The following VWA5A variants were observed in gnomAD, a reference collection of about 807,000 sequenced individuals.
The protein encoded by VWA5A is von Willebrand factor A domain-containing protein 5A.
VWA5A carries 77 observed loss-of-function variants against 84.6 expected under a neutral mutation model. That is an observed-to-expected ratio of 0.91 (90% CI 0.76 to 1.10). The LOEUF (loss-of-function observed/expected upper bound fraction) is 1.10. Ranked by LOEUF, VWA5A falls within the 50% of genes least tolerant of loss-of-function variation. VWA5A has a pLI of 0.00. For synonymous variants in VWA5A, 334 were observed against 350.1 expected (o/e 0.95, Z 0.51); for missense variants, 973 against 963.0 (o/e 1.01, Z -0.14).
chr11:124,139,225 T>TGTG (rs1860678571), intron 15 of VWA5A, among the ~76,000 whole-genome samples: 18 of 147,434 alleles, frequency 1.2e-4, no homozygotes, highest in Non-Finnish European at 2.4e-4. Flanking sequence ...AGCATTTTGT[T>TGTG]TGTGTGTGTG....
rs759758696 is a variant in VWA5A, at chr11:124,137,164, A to G, written c.1775A>G (p.Asn592Ser). ...TCCTTCACAGCTTTCATTGCTATCA[A>G]TAAGGAGCTCAACAAGCCGGTTCAG... ...ISSFTAFIAI[N>S]KELNKPVQGP... is the part of the protein sequence containing the mutation. Residue 592 changes from asparagine (N) to serine (S), a missense_variant, in exon 15 of 19, where the codon AAT (asparagine) becomes AGT (serine). Physicochemically the swap from Asn to Ser is conservative, Grantham distance 46. Transcript: ENST00000456829. 20 of 1,614,126 alleles carry G rather than the reference A, an allele frequency of 1.2e-5. No homozygotes were observed. The South Asian group carries it at 1.9e-4, about 15-fold the overall frequency.
intron 13 of VWA5A, 35 bp from the exon 14 acceptor site, chr11:124,136,539 A>G (rs1342181720): frequency 1.3e-6 from 2 of 1,596,776 alleles, no homozygotes. Context: ...AGAACATTAC[A>G]TGTTCCGTCA....
chr11:124,118,483 G>A lies in VWA5A; in HGVS notation c.470-50G>A, dbSNP rs775297302. 28 of 1,611,152 alleles carry A rather than the reference G, an allele frequency of 1.7e-5. No homozygotes were observed. The Middle Eastern group carries it at 4.9e-4, about 28-fold the overall frequency. ...GGGAAATTTTCTTAAGGTTGAGAGT[G>A]TCATAAAAAGTGTTGGCAAGGAAAA... On this transcript the variant is annotated intron_variant, in intron 5 of 18. Transcript: ENST00000456829.
Position 124,145,443 on chromosome 11 carries a change from A to C in VWA5A, c.2281+80A>C, listed in dbSNP as rs1255688077. On this transcript the variant is annotated intron_variant, in intron 18 of 18. Coordinates refer to ENST00000456829, the MANE Select transcript of VWA5A (RefSeq NM_001130142.2). ...GTGACCACAAGAGAGTCCCATTGTCACCTGCCTCCACCATCCTGCTTCAGA... is the reference window on the plus strand; with the variant it reads ...GTGACCACAAGAGAGTCCCATTGTCCCCTGCCTCCACCATCCTGCTTCAGA... 6.8e-6 allele frequency: 10 copies of C among 1,467,272 alleles called. No homozygotes were observed. In the African/African-American group the frequency reaches 1.0e-4, roughly 15 times the overall value. The allele number at this position is 1,467,272 out of a possible 1,614,324, so 90.9% of individuals were successfully genotyped here. A position where few individuals can be genotyped will look rare whatever the true frequency, so the allele number is the denominator to read the frequency against.
At position 124,136,281 on chromosome 11, in the gene VWA5A, C is replaced by T. The variant is rs757382320; in HGVS notation, c.1512C>T (p.Thr504=). The T allele has an allele frequency of 4.3e-6, 7 of 1,612,904 alleles. No homozygotes were observed. The highest frequency in any genetic ancestry group is 2.2e-5 in the South Asian group (2 of 91,048). The change falls in exon 13 of 19, where the codon ACC becomes ACT. Residue 504 remains threonine (T), a synonymous_variant. Transcript: ENST00000456829. ...GATTAATCAGCTATGCCCAGCTGAC[C>T]GGGAGGATGCCAGTGAGTTCCCATT... ...GQRLISYAQL[T]GRMPAAETTG...
Position 124,121,672 on chromosome 11 carries a change from A to G in VWA5A, c.761-1288A>G, listed in dbSNP as rs75286056. On this transcript the variant is annotated intron_variant, in intron 7 of 18. Transcript: ENST00000456829. Reference sequence around the variant, plus strand: ...CATGAGGCTAGCAAGCAGAGGAGCTAAAGTTTGAAATGCCTCATTTGAAAA... The same window carrying G: ...CATGAGGCTAGCAAGCAGAGGAGCTGAAGTTTGAAATGCCTCATTTGAAAA... Among the ~76,000 whole-genome samples, 82 of 152,354 alleles carry G rather than the reference A, an allele frequency of 5.4e-4. No individual in the cohort carries two copies. In the East Asian group the frequency reaches 0.015, roughly 29 times the overall value.
At chr11:124,131,643 G>C (rs1865098976) in intron 11 of VWA5A, among the ~76,000 whole-genome samples, 6 of 151,578 alleles carry the variant, frequency 4.0e-5, no homozygotes, top group Admixed American at 3.9e-4. Context: ...TTAATAGCTT[G>C]TTTTACCTTG....
chr11:124,126,423 CATTTT>C (rs1865019304), intron 11 of VWA5A, among the ~76,000 whole-genome samples: 1 of 152,150 alleles, frequency 6.6e-6, no homozygotes, highest in African/African-American at 2.4e-5. Context: ...TTGTTTCCAA[CATTTT>C]ATTAAGAAAC....
intron 4 of VWA5A, 116 bp from the exon 5 acceptor site, chr11:124,118,073 A>G (rs1409777109): frequency 2.3e-6 from 3 of 1,297,514 alleles, no homozygotes; most frequent in East Asian, 2.5e-5. Flanking sequence ...CATTCAGAGT[A>G]TAGCTGTGAT....
In VWA5A at chr11:124,145,866, G is replaced by T. The variant is rs777469537; in HGVS notation, c.2282G>T (p.Gly761Val). 5 of 1,575,820 alleles carry T rather than the reference G, an allele frequency of 3.2e-6. No homozygotes were observed. In the South Asian group the frequency reaches 5.8e-5, roughly 18 times the overall value. The change falls in exon 19 of 19, where the codon GGC (glycine) becomes GTC (valine). Residue 761 changes from glycine to valine, a missense_variant and splice_region_variant. Gly to Val is a moderately radical substitution (Grantham distance 109). Transcript: ENST00000456829. The part of the protein sequence containing the change: ...KAVAWMRAHA[G>V]STMPSVVKAA... Reference sequence around the variant, plus strand: ...TGCTTCTTGTTTTTCCTCACCACAGGCTCCACCATGCCTTCGGTTGTGAAA... The same window carrying T: ...TGCTTCTTGTTTTTCCTCACCACAGTCTCCACCATGCCTTCGGTTGTGAAA...
At chr11:124,141,513 G>C (rs1044135921) in intron 15 of VWA5A, 85 bp from the exon 16 acceptor site, 3 of 1,537,640 alleles carry the variant, frequency 2.0e-6, no homozygotes, top group Non-Finnish European at 2.6e-6. Flanking sequence ...TGTGGATGGG[G>C]GGGTATGTAT....
intron 17 of VWA5A, among the ~76,000 whole-genome samples, chr11:124,144,534 A>AGAAT (rs1216894736): frequency 6.6e-6 from 1 of 152,226 alleles, no homozygotes; most frequent in Non-Finnish European, 1.5e-5. Flanking sequence ...GGAGGAATTG[A>AGAAT]GAATTCTAAT....
At chr11:124,132,168 C>A (rs977464314) in intron 11 of VWA5A, among the ~76,000 whole-genome samples, 1 of 151,850 alleles carries the variant, frequency 6.6e-6, no homozygotes, top group African/African-American at 2.4e-5. Context: ...AATGTTAGAC[C>A]AACCTTGAAT....
rs1412874694 is a variant in VWA5A, at chr11:124,124,219, T to C, written c.1165-18T>C. On this transcript the variant is annotated intron_variant, in intron 10 of 18. Coordinates refer to ENST00000456829, the MANE Select transcript of VWA5A (RefSeq NM_001130142.2). ...GAACTTGACAAAGACCTGATGAACA[T>C]TTTCTTTCTTTGTATAGCTTTTTGT... is the stretch of plus-strand genomic sequence containing the variant. The C allele has an allele frequency of 2.5e-6, 4 of 1,610,000 alleles. No individual in the cohort carries two copies. The highest frequency in any genetic ancestry group is 2.5e-6 in the Non-Finnish European group (3 of 1,177,522).
chr11:124,124,694 C>T (rs939082384), intron 11 of VWA5A: 1 of 427,414 alleles, frequency 2.3e-6, no homozygotes, highest in Non-Finnish European at 3.2e-6. Flanking sequence ...TAGGTAAAAA[C>T]TGGAATGGTC....
intron 15 of VWA5A, among the ~76,000 whole-genome samples, chr11:124,138,224 C>T (rs1446391467): frequency 6.6e-6 from 1 of 152,092 alleles, no homozygotes; most frequent in Non-Finnish European, 1.5e-5. Flanking sequence ...TGATGGATAC[C>T]TAGGTTGATT....
chr11:124,123,495 T>C (rs771987960), intron 9 of VWA5A, 41 bp downstream of exon 9: 4 of 1,609,414 alleles, frequency 2.5e-6, no homozygotes, highest in Non-Finnish European at 3.4e-6. Context: ...AAAACGAGAC[T>C]TTAAAGAAAG....
chr11:124,118,864 C>A, intron 6 of VWA5A, 111 bp from the exon 7 acceptor site: 1 of 1,343,570 alleles, frequency 7.4e-7, no homozygotes, highest in Non-Finnish European at 1.0e-6. Context: ...TCCAGCCTCA[C>A]CTCTGTTCCT....
chr11:124,127,826 C>T (rs1865042066), intron 11 of VWA5A, among the ~76,000 whole-genome samples: 1 of 152,100 alleles, frequency 6.6e-6, no homozygotes. Flanking sequence ...TGGAAAGTGT[C>T]TGTTCATATC....
Sources: allele counts gnomAD v4.1 joint callset (sites outside exome capture counted in the v4.1 genomes callset), GRCh38; gene constraint gnomAD v4.1.1; transcripts MANE v1.5; gene names NCBI Gene and HGNC (gene_info 2026-07-23, HGNC 2026-07-21).